KATNAL1: variants seen among roughly 807,000 people sequenced by gnomAD.
The protein encoded by KATNAL1 is katanin p60 ATPase-containing subunit A-like 1.
A neutral mutation model predicts 55.2 loss-of-function variants in KATNAL1; 32 were observed. The ratio of observed to expected loss-of-function variants is 0.58; its 90% CI spans 0.44 to 0.78. The LOEUF (loss-of-function observed/expected upper bound fraction) is 0.78, where lower values mean the gene tolerates loss of function less well. KATNAL1 is among the 30% of genes least tolerant of loss of function. The probability of loss-of-function intolerance (pLI) is 0.00; values close to 1 mark genes in which losing one functional copy is unlikely to be tolerated. For synonymous variants in KATNAL1, 193 were observed against 193.6 expected (o/e 1.00, Z 0.02); for missense variants, 466 against 600.9 (o/e 0.78, Z 2.35).
At chr13:30,304,945 A>G (rs1424984730) in intron 1 of KATNAL1, among the ~76,000 whole-genome samples, 1 of 152,158 alleles carries the variant, frequency 6.6e-6, no homozygotes, top group Non-Finnish European at 1.5e-5. Context: ...AGTCATATCA[A>G]TTTTATCTCT....
intron 8 of KATNAL1, among the ~76,000 whole-genome samples, chr13:30,230,157 T>C (rs1316137613): frequency 6.6e-6 from 1 of 152,194 alleles, no homozygotes; most frequent in Non-Finnish European, 1.5e-5. Flanking sequence ...AGTTTTGACC[T>C]TGCAGATTCT....
chr13:30,264,431 G>C (rs1267789497), intron 3 of KATNAL1, among the ~76,000 whole-genome samples: 1 of 142,984 alleles, frequency 7.0e-6, no homozygotes, highest in African/African-American at 2.6e-5. Context: ...CCATCAGAGT[G>C]AACAGGCAAC....
In KATNAL1 at chr13:30,204,178, G is replaced by A. The variant is rs914203143; in HGVS notation, c.*4362C>T. 6.6e-6 allele frequency: 1 copy of A among 152,134 alleles called. No homozygotes were observed. Among genetic ancestry groups the A allele is most frequent in the Admixed American group, 6.5e-5 (1 of 15,278 alleles). 9.4% of individuals were successfully genotyped at this position (152,134 alleles called of 1,614,324 possible). A position where few individuals can be genotyped will look rare whatever the true frequency, so the allele number is the denominator to read the frequency against. ...TACGGAAAAAAAGATACAAAAAAGA[G>A]AATAGTTAGGATTTTTTCCTCATAC... On this transcript the variant is annotated 3_prime_UTR_variant, in exon 11 of 11. Coordinates refer to ENST00000380615, the MANE Select transcript of KATNAL1 (RefSeq NM_032116.5).
chr13:30,242,051 T>A (rs1796700858), intron 4 of KATNAL1, among the ~76,000 whole-genome samples: 1 of 152,084 alleles, frequency 6.6e-6, no homozygotes, highest in African/African-American at 2.4e-5. Context: ...ACAAGAAACA[T>A]AACATCAACA....
intron 1 of KATNAL1, among the ~76,000 whole-genome samples, chr13:30,291,326 CA>C (rs965122424): frequency 2.0e-5 from 3 of 151,990 alleles, no homozygotes; most frequent in African/African-American, 7.2e-5. Flanking sequence ...TAAAATCATC[CA>C]AAAAATATTA....
chr13:30,215,257 T>C (rs1874097835), intron 9 of KATNAL1, among the ~76,000 whole-genome samples: 1 of 151,850 alleles, frequency 6.6e-6, no homozygotes, highest in African/African-American at 2.4e-5. Context: ...ATGGCAATCA[T>C]TAAAAAGTCA....
chr13:30,281,247 T>A (rs1881290792), intron 2 of KATNAL1, among the ~76,000 whole-genome samples: 1 of 151,988 alleles, frequency 6.6e-6, no homozygotes, highest in African/African-American at 2.4e-5. Flanking sequence ...CCCTCATCTT[T>A]ATATTGAATG....
rs181887919 is a variant in KATNAL1, at chr13:30,259,486, A to G, written c.324-3871T>C. ...TGGGTTCATCTCACTAGGGAGTGCCAGACAGTGGGCGCAGGTCAGTGGGTG... is the reference window on the plus strand; with the variant it reads ...TGGGTTCATCTCACTAGGGAGTGCCGGACAGTGGGCGCAGGTCAGTGGGTG... On this transcript the variant is annotated intron_variant, in intron 3 of 10. Coordinates refer to ENST00000380615, the MANE Select transcript of KATNAL1 (RefSeq NM_032116.5). 5.6e-4 allele frequency among the ~76,000 whole-genome samples: 85 copies of G among 152,316 alleles called. No individual in the cohort carries two copies. The East Asian group carries it at 0.015, about 26-fold the overall frequency.
chr13:30,267,814 A>G (rs1879894249), intron 3 of KATNAL1, among the ~76,000 whole-genome samples: 1 of 152,206 alleles, frequency 6.6e-6, no homozygotes, highest in South Asian at 2.1e-4. Flanking sequence ...AGCTAAAGAC[A>G]TGGCAGTCCT....
At chr13:30,285,658 A>G (rs1019628420) in intron 1 of KATNAL1, among the ~76,000 whole-genome samples, 1 of 152,206 alleles carries the variant, frequency 6.6e-6, no homozygotes, top group Non-Finnish European at 1.5e-5. Context: ...GTGCTGCTAC[A>G]AGGATACCTG....
At chr13:30,212,048 AC>A (rs1873742287) in intron 9 of KATNAL1, among the ~76,000 whole-genome samples, 3 of 152,366 alleles carry the variant, frequency 2.0e-5, no homozygotes, top group Admixed American at 2.0e-4. Context: ...CCTACATCAT[AC>A]TGTGCACAAA....
intron 8 of KATNAL1, among the ~76,000 whole-genome samples, chr13:30,227,748 G>C (rs1293272566): frequency 6.8e-6 from 1 of 146,858 alleles, no homozygotes; most frequent in Non-Finnish European, 1.5e-5. Context: ...CCTAGTGTGG[G>C]ATTTTTTTTT....
chr13:30,246,942 T>C (rs1348650252), intron 4 of KATNAL1, among the ~76,000 whole-genome samples: 2 of 152,204 alleles, frequency 1.3e-5, no homozygotes, highest in East Asian at 3.8e-4. Context: ...CATGTTACAA[T>C]GATAACTAAA....
At chr13:30,282,133 A>T (rs1046145643) in intron 2 of KATNAL1, among the ~76,000 whole-genome samples, 1 of 152,000 alleles carries the variant, frequency 6.6e-6, no homozygotes, top group African/African-American at 2.4e-5. Context: ...TTAAAACATT[A>T]AATTTAAAAA....
At chr13:30,255,744 G>T in intron 3 of KATNAL1, 129 bp from the exon 4 acceptor site, 1 of 901,828 alleles carries the variant, frequency 1.1e-6, no homozygotes, top group Non-Finnish European at 1.4e-6. Context: ...TTTCACCTTT[G>T]GCCAATTCAT....
chr13:30,213,917 T>C (rs537594981), intron 9 of KATNAL1, among the ~76,000 whole-genome samples: 2 of 152,188 alleles, frequency 1.3e-5, no homozygotes, highest in African/African-American at 4.8e-5. Flanking sequence ...TTGGAAGTTC[T>C]GGCCAGGGCA....
chr13:30,264,651 C>T (rs169264), intron 3 of KATNAL1, among the ~76,000 whole-genome samples: 24,625 of 123,612 alleles, frequency 0.2, 2,868 homozygotes, highest in Admixed American at 0.31. Context: ...ATCAGAGAAA[C>T]GCAAATCAAA....
intron 8 of KATNAL1, 58 bp from the exon 9 acceptor site, chr13:30,227,604 T>C: frequency 6.4e-7 from 1 of 1,561,490 alleles, no homozygotes; most frequent in South Asian, 1.2e-5. Flanking sequence ...TATTCTTTCA[T>C]TCAATTAACA....
intron 10 of KATNAL1, among the ~76,000 whole-genome samples, 198 bp from the exon 11 acceptor site, chr13:30,208,936 T>C (rs1873403016): frequency 6.6e-6 from 1 of 152,158 alleles, no homozygotes; most frequent in African/African-American, 2.4e-5. Context: ...AAACATGAAA[T>C]GTATAGTTAA....
Sources: gnomAD v4.1 joint callset for allele counts (sites outside exome capture counted in the v4.1 genomes callset) on GRCh38, gnomAD v4.1.1 for gene constraint, MANE v1.5 for transcripts, NCBI Gene and HGNC (gene_info 2026-07-23, HGNC 2026-07-21) for gene names.